Variants in PP2D1 observed in about 807,000 individuals in gnomAD.
The protein encoded by PP2D1 is protein phosphatase 2C-like domain-containing protein 1.
PP2D1 carries 25 observed loss-of-function variants against 30.2 expected under a neutral mutation model. The observed-to-expected ratio is 0.83, with a 90% CI of 0.60 to 1.16. The LOEUF is 1.16. Among genes scored for constraint, PP2D1 ranks in the 50% most tolerant of loss-of-function variants. The pLI, the probability that PP2D1 is intolerant of heterozygous loss-of-function variation, is 0.00. For synonymous variants in PP2D1, 260 were observed against 258.9 expected (o/e 1.00, Z -0.04); for missense variants, 760 against 742.4 (o/e 1.02, Z -0.28).
chr3:20,001,161 T>A lies in PP2D1; in HGVS notation c.959A>T (p.Glu320Val). 1 of 1,479,956 alleles carries A rather than the reference T, an allele frequency of 6.8e-7. No homozygotes were observed. The highest frequency in any genetic ancestry group is 8.9e-7 in the Non-Finnish European group (1 of 1,120,318). The allele number at this position is 1,479,956 out of a possible 1,614,324, so 91.7% of individuals were successfully genotyped here. ...AGCATAAGGACTTTTAGGTTTGCCT[T>A]CCAATATACAAGTAACTGCAGAGCA... ...SGCSAVTCIL[E>V]GKPKSPYAHK... is the part of the protein sequence containing the mutation. Residue 320 changes from glutamate to valine, a missense_variant, in exon 2 of 3, where the codon GAA becomes GTA. Glu to Val is a moderately radical substitution (Grantham distance 121). Coordinates refer to ENST00000389050, the MANE Select transcript of PP2D1 (RefSeq NM_001252657.2).
chr3:19,989,169 A>C (rs1011333970), intron 2 of PP2D1, among the ~76,000 whole-genome samples: 1 of 152,044 alleles, frequency 6.6e-6, no homozygotes, highest in African/African-American at 2.4e-5. Flanking sequence ...CTCTGTCTCT[A>C]CTAAATACAA....
At chr3:19,989,670 A>C (rs115721829) in intron 2 of PP2D1, among the ~76,000 whole-genome samples, 96 of 152,334 alleles carry the variant, frequency 6.3e-4, no homozygotes, top group African/African-American at 2.2e-3. Context: ...CAACTGAGTA[A>C]ATGGAATTGT....
chr3:19,995,988 A>G (rs993728593), intron 2 of PP2D1, among the ~76,000 whole-genome samples: 2 of 152,150 alleles, frequency 1.3e-5, no homozygotes, highest in South Asian at 2.1e-4. Context: ...AGGGAAATTT[A>G]TAGTAATAAA....
At chr3:19,980,436 G>A (rs1475087777), downstream of PP2D1, among the ~76,000 whole-genome samples, 2 of 134,084 alleles carry the variant, frequency 1.5e-5, no homozygotes, top group Non-Finnish European at 3.1e-5. Flanking sequence ...TCCTTCACTA[G>A]GTTAGTAAAT....
At chr3:19,989,642 A>G (rs1427564425) in intron 2 of PP2D1, among the ~76,000 whole-genome samples, 1 of 152,218 alleles carries the variant, frequency 6.6e-6, no homozygotes, top group Non-Finnish European at 1.5e-5. Flanking sequence ...AGACAACATG[A>G]AGTGGCACTT....
chr3:19,985,638 A>G lies in PP2D1; in HGVS notation c.1635T>C (p.Tyr545=). 6.5e-6 allele frequency: 10 copies of G among 1,536,006 alleles called. No homozygotes were observed. The highest frequency in any genetic ancestry group is 8.7e-6 in the Non-Finnish European group (10 of 1,146,762). The change falls in exon 3 of 3, where the codon TAT becomes TAC. Residue 545 remains tyrosine (Y), a synonymous_variant. Coordinates refer to ENST00000389050, the MANE Select transcript of PP2D1 (RefSeq NM_001252657.2). ...GAAATGTTTCTACATTCTCAGGGTT[A>G]TAAATACAGTATTTAGAATAGTTTG... ...SDSNYSKYCI[Y]NPENVETFPA...
downstream of PP2D1, chr3:19,985,172 G>T (rs1164302313): frequency 2.0e-6 from 1 of 495,012 alleles, no homozygotes; most frequent in Non-Finnish European, 3.5e-6. Flanking sequence ...GGTATAAAAA[G>T]CAAGTATCGG....
chr3:20,011,670 C>G (rs541996942), intron 1 of PP2D1, among the ~76,000 whole-genome samples: 66 of 151,942 alleles, frequency 4.3e-4, no homozygotes, highest in Middle Eastern at 3.4e-3. Flanking sequence ...ATGGTGGCAG[C>G]CGCCTGCAGT....
At chr3:19,988,728 C>G (rs943673823) in intron 2 of PP2D1, among the ~76,000 whole-genome samples, 1 of 152,108 alleles carries the variant, frequency 6.6e-6, no homozygotes, top group African/African-American at 2.4e-5. Context: ...GGACACCCAG[C>G]TTTAAAATTT....
At chr3:19,983,747 C>T (rs781415431), downstream of PP2D1, 2 of 1,612,246 alleles carry the variant, frequency 1.2e-6, no homozygotes, top group African/African-American at 1.3e-5. Flanking sequence ...AATCCAGGAG[C>T]AAATTCTGCC....
In PP2D1 at chr3:20,001,876, T is replaced by C; in HGVS notation, c.244A>G (p.Lys82Glu). Residue 82 changes from lysine to glutamate, a missense_variant, in exon 2 of 3, where the codon AAG becomes GAG. Coordinates refer to ENST00000389050, the MANE Select transcript of PP2D1 (RefSeq NM_001252657.2). ...EIDLTGIFLH[K>E]KQHVALATLG... ...GTGGCCAGAGCTACATGTTGCTTCT[T>C]ATGGAGAAAAATACCAGTTAGGTCA... The C allele has an allele frequency of 6.5e-7, 1 of 1,536,214 alleles. No homozygotes were observed. Among genetic ancestry groups the C allele is most frequent in the Non-Finnish European group, 8.7e-7 (1 of 1,146,904 alleles).
rs980808890 is a variant in PP2D1, at chr3:20,004,739, T to C, written c.24-2643A>G. ...TGTACAATTTCTAGGGCATGAGATATTTTCAAGGGCCTATGAAAAGTTAGA... is the reference window on the plus strand; with the variant it reads ...TGTACAATTTCTAGGGCATGAGATACTTTCAAGGGCCTATGAAAAGTTAGA... On this transcript the variant is annotated intron_variant, in intron 1 of 2. Transcript: ENST00000389050. Among the ~76,000 whole-genome samples, 35 of 152,074 alleles carry C rather than the reference T, an allele frequency of 2.3e-4. 1 individual carries two copies. Among genetic ancestry groups the C allele is most frequent in the African/African-American group, 8.2e-4 (34 of 41,410 alleles).
At chr3:20,011,186 G>C (rs1697381722) in intron 1 of PP2D1, among the ~76,000 whole-genome samples, 1 of 152,188 alleles carries the variant, frequency 6.6e-6, no homozygotes, top group South Asian at 2.1e-4. Context: ...CCCAGCAAAA[G>C]AAATGGACAG....
intron 2 of PP2D1, among the ~76,000 whole-genome samples, chr3:19,998,491 G>T (rs1011478123): frequency 3.3e-5 from 5 of 152,152 alleles, no homozygotes; most frequent in African/African-American, 1.2e-4. Flanking sequence ...ACACATTTCA[G>T]GTGATGAATA....
intron 1 of PP2D1, among the ~76,000 whole-genome samples, chr3:20,006,618 C>G (rs1324881906): frequency 6.6e-6 from 1 of 152,114 alleles, no homozygotes; most frequent in African/African-American, 2.4e-5. Flanking sequence ...TGCACCACCA[C>G]GCCTGGCTAA....
chr3:19,991,759 A>G (rs1037513821), intron 2 of PP2D1, among the ~76,000 whole-genome samples: 2 of 152,180 alleles, frequency 1.3e-5, no homozygotes, highest in African/African-American at 2.4e-5. Context: ...CACTTGGAAC[A>G]CTTATTTAGT....
At chr3:19,982,063 A>G (rs1007933395), downstream of PP2D1, among the ~76,000 whole-genome samples, 31 of 151,700 alleles carry the variant, frequency 2.0e-4, no homozygotes, top group African/African-American at 7.3e-4. Flanking sequence ...GCAACAGAGC[A>G]AGACCCTATC....
downstream of PP2D1, among the ~76,000 whole-genome samples, chr3:19,980,729 G>T (rs1696909859): frequency 6.6e-6 from 1 of 151,942 alleles, no homozygotes; most frequent in South Asian, 2.1e-4. Flanking sequence ...ACATTTCTGG[G>T]GCTTTGCTTG....
Position 20,012,055 on chromosome 3 carries a change from A to G in PP2D1, c.18T>C (p.Ala6=), listed in dbSNP as rs1486027393. MSTNN[A]LRVFWKSREW... is the part of the protein sequence containing the mutation. The stretch of plus-strand genomic sequence containing the variant: ...AAAGATTTAAGAAAGTTTACCTTAA[A>G]GCATTATTGGTGCTCATGTTCCTTT... The change falls in exon 1 of 3, where the codon GCT becomes GCC. Residue 6 remains alanine (A), a synonymous_variant. Coordinates refer to ENST00000389050, the MANE Select transcript of PP2D1 (RefSeq NM_001252657.2). 6.5e-7 allele frequency: 1 copy of G among 1,532,064 alleles called. No individual in the cohort carries two copies. The highest frequency in any genetic ancestry group is 8.7e-7 in the Non-Finnish European group (1 of 1,143,974). 94.9% of individuals were successfully genotyped at this position (1,532,064 alleles called of 1,614,324 possible).
Sources: allele counts gnomAD v4.1 joint callset (sites outside exome capture counted in the v4.1 genomes callset), GRCh38; gene constraint gnomAD v4.1.1; transcripts MANE v1.5; gene names NCBI Gene and HGNC (gene_info 2026-07-23, HGNC 2026-07-21).